AGMO: variants seen among roughly 807,000 people sequenced by gnomAD.
AGMO encodes the protein glyceryl-ether monooxygenase.
In AGMO, 75 loss-of-function variants were observed where a neutral mutation model predicts 60.2. The observed-to-expected ratio is 1.25, with a 90% CI of 1.03 to 1.51. The LOEUF is 1.51. Ranked by LOEUF, AGMO falls within the 40% of genes most tolerant of loss-of-function variation. The pLI, the probability that AGMO is intolerant of heterozygous loss-of-function variation, is 0.00. For missense variants in AGMO, 763 were observed against 525.5 expected, an observed-to-expected ratio of 1.45 and a Z score of -4.42; for synonymous variants, 261 against 177.1, an observed-to-expected ratio of 1.47 and a Z score of -3.76.
chr7:15,120,390 G>C, the AGMO span, among the ~76,000 whole-genome samples: 2 of 152,072 alleles, frequency 1.3e-5, no homozygotes, highest in Admixed American at 1.3e-4. Context: ...ATATGTTATG[G>C]ACTAAATGTT....
intron 5 of AGMO, among the ~76,000 whole-genome samples, chr7:15,394,817 C>T (rs1027753688): frequency 6.6e-6 from 1 of 152,130 alleles, no homozygotes; most frequent in Non-Finnish European, 1.5e-5. Context: ...TCATCTCTTA[C>T]CTTTAGAGGC....
rs1491261219 is a variant in AGMO, at chr7:15,354,327, T to TGTGTATACAC, written c.1263+11186_1263+11187insGTGTATACAC. Among the ~76,000 whole-genome samples the TGTGTATACAC allele has an allele frequency of 6.5e-4, 21 of 32,216 alleles. 1 individual carries two copies. The highest frequency in any genetic ancestry group is 4.3e-3 in the African/African-American group (20 of 4,624). The allele number at this position is 32,216 out of a possible 152,430, so 21.1% of individuals were successfully genotyped here. ...ACGTGTATACACGCGTGTATATACGTACGCGTGTATATACACGCGTGTATA... is the reference window on the plus strand; with the variant it reads ...ACGTGTATACACGCGTGTATATACGTGTGTATACACACGCGTGTATATACACGCGTGTATA... On this transcript the variant is annotated intron_variant, in intron 12 of 12. Coordinates refer to ENST00000342526, the MANE Select transcript of AGMO (RefSeq NM_001004320.2).
At chr7:15,283,700 TA>T (rs1244142239) in intron 12 of AGMO, among the ~76,000 whole-genome samples, 2 of 151,792 alleles carry the variant, frequency 1.3e-5, no homozygotes, top group Non-Finnish European at 2.9e-5. Context: ...AAAGAAACAA[TA>T]ACTTACACTA....
At chr7:15,489,468 G>T (rs1280519976) in intron 3 of AGMO, among the ~76,000 whole-genome samples, 1 of 152,114 alleles carries the variant, frequency 6.6e-6, no homozygotes, top group Non-Finnish European at 1.5e-5. Flanking sequence ...AGTACATCCT[G>T]GACCTTTTGA....
At chr7:15,369,666 C>G (rs1783123837) in intron 10 of AGMO, among the ~76,000 whole-genome samples, 1 of 152,254 alleles carries the variant, frequency 6.6e-6, no homozygotes, top group Admixed American at 6.5e-5. Flanking sequence ...TTTTCCACTT[C>G]TATACACGTA....
intron 10 of AGMO, among the ~76,000 whole-genome samples, chr7:15,380,093 C>T (rs183893279): frequency 5.3e-5 from 8 of 152,198 alleles, no homozygotes; most frequent in Admixed American, 3.3e-4. Context: ...CCCTTGAAAC[C>T]AGCACAAGAC....
chr7:15,271,935 T>A (rs1010615494), intron 12 of AGMO, among the ~76,000 whole-genome samples: 1 of 152,154 alleles, frequency 6.6e-6, no homozygotes, highest in Non-Finnish European at 1.5e-5. Context: ...ATATGGTTTT[T>A]GTTTCTAATT....
chr7:15,295,128 A>G (rs1368354756), intron 12 of AGMO, among the ~76,000 whole-genome samples: 2 of 152,044 alleles, frequency 1.3e-5, no homozygotes, highest in East Asian at 1.9e-4. Flanking sequence ...TGAAATATAC[A>G]TATAAAATTA....
chr7:15,547,573 C>T (rs1226690708), intron 2 of AGMO, among the ~76,000 whole-genome samples: 2 of 152,126 alleles, frequency 1.3e-5, no homozygotes, highest in Non-Finnish European at 2.9e-5. Context: ...CCTGGAAAAT[C>T]GGGTCACTCC....
chr7:15,342,390 C>T (rs1032065174), intron 12 of AGMO, among the ~76,000 whole-genome samples: 6 of 151,880 alleles, frequency 4.0e-5, no homozygotes, highest in Non-Finnish European at 7.4e-5. Flanking sequence ...TAAGTGTCTT[C>T]CAAATTCTTC....
chr7:15,269,292 G>A (rs1025998209), intron 12 of AGMO, among the ~76,000 whole-genome samples: 7 of 152,040 alleles, frequency 4.6e-5, no homozygotes, highest in Admixed American at 2.6e-4. Flanking sequence ...TGAGTATAAC[G>A]CAATGAGAGA....
intron 12 of AGMO, among the ~76,000 whole-genome samples, chr7:15,235,821 T>C (rs539365836): frequency 6.6e-6 from 1 of 152,236 alleles, no homozygotes; most frequent in African/African-American, 2.4e-5. Flanking sequence ...AAACATTACT[T>C]TTATGGAACA....
At chr7:15,361,332 G>C (rs1417347172) in intron 12 of AGMO, among the ~76,000 whole-genome samples, 1 of 150,992 alleles carries the variant, frequency 6.6e-6, no homozygotes, top group Non-Finnish European at 1.5e-5. Context: ...CAGGTCAGGA[G>C]ATTGAGACCA....
At chr7:15,217,180 TTC>T (rs1781766230) in intron 12 of AGMO, among the ~76,000 whole-genome samples, 1 of 152,050 alleles carries the variant, frequency 6.6e-6, no homozygotes, top group Non-Finnish European at 1.5e-5. Flanking sequence ...AATGATAATT[TTC>T]TTTCTACAAT....
At chr7:15,537,347 CT>C (rs1562560985) in intron 3 of AGMO, among the ~76,000 whole-genome samples, 5 of 152,170 alleles carry the variant, frequency 3.3e-5, no homozygotes, top group Non-Finnish European at 5.9e-5. Flanking sequence ...ACACCTAGAT[CT>C]TTTGATTCAA....
At chr7:15,352,417 G>A (rs552225686) in intron 12 of AGMO, among the ~76,000 whole-genome samples, 1 of 151,514 alleles carries the variant, frequency 6.6e-6, no homozygotes, top group Non-Finnish European at 1.5e-5. Context: ...CTCATCAAGG[G>A]CAGACATTTC....
chr7:15,552,971 C>A (rs1199485043), intron 2 of AGMO, among the ~76,000 whole-genome samples: 1 of 151,958 alleles, frequency 6.6e-6, no homozygotes, highest in Non-Finnish European at 1.5e-5. Context: ...CACATATACA[C>A]CATGGAATAC....
intron 3 of AGMO, among the ~76,000 whole-genome samples, chr7:15,529,678 C>CTGTATACAGAA: frequency 1.1e-4 from 1 of 9,504 alleles, no homozygotes; most frequent in Admixed American, 1.8e-3. Flanking sequence ...TATATATATT[C>CTGTATACAGAA]TATATATAGA....
intron 3 of AGMO, among the ~76,000 whole-genome samples, chr7:15,476,979 T>C (rs1195599584): frequency 6.6e-6 from 1 of 152,126 alleles, no homozygotes; most frequent in African/African-American, 2.4e-5. Context: ...TTTATGATCA[T>C]GACCAGCTTA....
Sources: gnomAD v4.1 joint callset for allele counts (sites outside exome capture counted in the v4.1 genomes callset) on GRCh38, gnomAD v4.1.1 for gene constraint, MANE v1.5 for transcripts, NCBI Gene and HGNC (gene_info 2026-07-23, HGNC 2026-07-21) for gene names.